The following ACBD6 variants were observed in gnomAD, a reference collection of about 807,000 sequenced individuals.
ACBD6 encodes acyl-CoA-binding domain-containing protein 6.
In ACBD6, 28 loss-of-function variants were observed where a neutral mutation model predicts 37.2. That is an observed-to-expected ratio of 0.75 (90% CI 0.56 to 1.03). The LOEUF (loss-of-function observed/expected upper bound fraction) is 1.03, where lower values mean the gene tolerates loss of function less well. ACBD6 is among the 50% of genes least tolerant of loss of function. The pLI is 0.00. For synonymous variants in ACBD6, 113 were observed against 126.8 expected (o/e 0.89, Z 0.73); for missense variants, 340 against 337.4 (o/e 1.01, Z -0.06).
At chr1:180,455,820 T>C (rs1192593358) in intron 3 of ACBD6, among the ~76,000 whole-genome samples, 1 of 152,242 alleles carries the variant, frequency 6.6e-6, no homozygotes, top group Middle Eastern at 3.2e-3. Flanking sequence ...TTTTTTGAAC[T>C]GTGGCCAATA....
chr1:180,439,194 G>A (rs1649180209), intron 3 of ACBD6, among the ~76,000 whole-genome samples: 1 of 151,986 alleles, frequency 6.6e-6, no homozygotes, highest in Admixed American at 6.6e-5. Flanking sequence ...TTAACTATAT[G>A]CTCCTTCCCC....
chr1:180,272,865 G>A (rs779085892), intron 12 of ACBD6: 27 of 152,246 alleles, frequency 1.8e-4, no homozygotes, highest in Non-Finnish European at 3.8e-4. Flanking sequence ...AACTGTGGAT[G>A]TGCTTGGGGA....
chr1:180,446,927 G>GCTAC (rs1369749075), intron 3 of ACBD6, among the ~76,000 whole-genome samples: 10 of 152,096 alleles, frequency 6.6e-5, no homozygotes, highest in African/African-American at 2.2e-4. Context: ...TGTAATCCCA[G>GCTAC]CTACTTGGGA....
downstream of ACBD6, chr1:180,287,132 C>A (rs1160087544): frequency 6.6e-6 from 1 of 152,044 alleles, no homozygotes; most frequent in Non-Finnish European, 1.5e-5. Flanking sequence ...CCTGGCTGGG[C>A]ACAGTGGCTC....
chr1:180,462,072 C>G (rs1481365862), intron 3 of ACBD6, among the ~76,000 whole-genome samples: 1 of 152,000 alleles, frequency 6.6e-6, no homozygotes, highest in Non-Finnish European at 1.5e-5. Context: ...CCCATCTCTA[C>G]TAAAAATATA....
At chr1:180,289,038 T>TAAA (rs11353397) in intron 7 of ACBD6, among the ~76,000 whole-genome samples, 2 of 102,962 alleles carry the variant, frequency 1.9e-5, no homozygotes, top group African/African-American at 3.6e-5. Context: ...CTACAGGAAC[T>TAAA]AAAAAAAAAA....
intron 3 of ACBD6, chr1:180,438,454 C>T (rs558865343): frequency 2.6e-5 from 4 of 152,920 alleles, no homozygotes; most frequent in African/African-American, 9.6e-5. Flanking sequence ...CATTCATTGA[C>T]TCTCTTAAAG....
intron 6 of ACBD6, among the ~76,000 whole-genome samples, chr1:180,342,595 C>G (rs903322969): frequency 2.0e-5 from 3 of 151,986 alleles, no homozygotes; most frequent in Non-Finnish European, 4.4e-5. Flanking sequence ...CTTAAGTCTA[C>G]TATAATACAC....
Position 180,502,123 on chromosome 1 carries a change from C to T in ACBD6, c.144G>A (p.Lys48=). The T allele has an allele frequency of 1.2e-6, 2 of 1,614,068 alleles. No individual in the cohort carries two copies. Among genetic ancestry groups the T allele is most frequent in the South Asian group, 1.1e-5 (1 of 91,068 alleles). Residue 48 remains lysine, a synonymous_variant, in exon 1 of 8, where the codon AAG becomes AAA. Transcript: ENST00000367595. ...TCAGGCCTTGCAGGTGCGCGGCAGC[C>T]TTCTCAAACAGCTCGGCCAGGCAAC... ...ETSCLAELFE[K]AAAHLQGLIQ...
intron 3 of ACBD6, among the ~76,000 whole-genome samples, chr1:180,436,611 A>G (rs1281264092): frequency 2.6e-5 from 4 of 152,174 alleles, no homozygotes; most frequent in African/African-American, 9.7e-5. Context: ...TGTCTGTATG[A>G]TTGTAATCAC....
At chr1:180,430,081 T>C (rs781076846) in intron 4 of ACBD6, 99 bp downstream of exon 4, 2 of 995,584 alleles carry the variant, frequency 2.0e-6, no homozygotes, top group African/African-American at 1.6e-5. Flanking sequence ...ATTAAAAATA[T>C]ATAGTACACA....
intron 6 of ACBD6, among the ~76,000 whole-genome samples, chr1:180,384,481 T>C (rs984852079): frequency 2.0e-5 from 3 of 152,160 alleles, no homozygotes; most frequent in African/African-American, 7.2e-5. Flanking sequence ...AGAATGGTTA[T>C]TATTAAAAGA....
At chr1:180,344,294 G>A (rs1652091819) in intron 6 of ACBD6, among the ~76,000 whole-genome samples, 2 of 152,160 alleles carry the variant, frequency 1.3e-5, no homozygotes, top group South Asian at 4.1e-4. Context: ...TTAGACCACA[G>A]AGAATAGCCA....
chr1:180,475,327 T>A (rs770173853), intron 3 of ACBD6, among the ~76,000 whole-genome samples: 1 of 152,248 alleles, frequency 6.6e-6, no homozygotes, highest in African/African-American at 2.4e-5. Flanking sequence ...TCCTACTTTG[T>A]ATCCCCGGGC....
chr1:180,473,207 G>C (rs1341508250), intron 3 of ACBD6, among the ~76,000 whole-genome samples: 1 of 152,152 alleles, frequency 6.6e-6, no homozygotes, highest in Non-Finnish European at 1.5e-5. Context: ...CAGCACTTTG[G>C]GAGGCCGAGG....
intron 6 of ACBD6, among the ~76,000 whole-genome samples, chr1:180,380,462 T>C (rs1571431088): frequency 6.6e-6 from 1 of 152,100 alleles, no homozygotes; most frequent in Non-Finnish European, 1.5e-5. Flanking sequence ...AAGGATATTA[T>C]ACCCAGCACA....
chr1:180,439,390 C>T (rs1649190004), intron 3 of ACBD6, among the ~76,000 whole-genome samples: 1 of 152,124 alleles, frequency 6.6e-6, no homozygotes, highest in Non-Finnish European at 1.5e-5. Flanking sequence ...CGAGACCATC[C>T]TGGCTAACAT....
In ACBD6 at chr1:180,454,463, G is replaced by A. The variant is rs1649838062; in HGVS notation, c.385-24201C>T. Among the ~76,000 whole-genome samples the A allele has an allele frequency of 3.3e-5, 5 of 152,272 alleles. No homozygotes were observed. The South Asian group carries it at 8.3e-4, about 25-fold the overall frequency. On this transcript the variant is annotated intron_variant, in intron 3 of 7. Transcript: ENST00000367595. ...CCAATACCATTCAGGACATAGGCATGGGCAAAGACTTTATGACTAAAACAC... is the reference window on the plus strand; with the variant it reads ...CCAATACCATTCAGGACATAGGCATAGGCAAAGACTTTATGACTAAAACAC...
At chr1:180,291,872 C>T (rs796257092) in intron 7 of ACBD6, among the ~76,000 whole-genome samples, 2 of 152,250 alleles carry the variant, frequency 1.3e-5, no homozygotes, top group African/African-American at 2.4e-5. Context: ...TTCAGGCTCA[C>T]CTTTTTGTTT....
Sources: allele counts gnomAD v4.1 joint callset (sites outside exome capture counted in the v4.1 genomes callset), GRCh38; gene constraint gnomAD v4.1.1; transcripts MANE v1.5; gene names NCBI Gene and HGNC (gene_info 2026-07-23, HGNC 2026-07-21).